Variants in PRDM5 observed in about 807,000 individuals in gnomAD.
PRDM5 encodes the protein PR/SET domain 5.
In PRDM5, 56 loss-of-function variants were observed where a neutral mutation model predicts 81.2. The observed-to-expected ratio is 0.69, with a 90% CI of 0.56 to 0.86. The LOEUF (loss-of-function observed/expected upper bound fraction) is 0.86. Among genes scored for constraint, PRDM5 ranks in the 40% least tolerant of loss-of-function variants. The probability of loss-of-function intolerance (pLI) is 0.00; values close to 1 mark genes in which losing one functional copy is unlikely to be tolerated. For missense variants in PRDM5, 697 were observed against 770.1 expected (o/e 0.91, Z 1.12); for synonymous variants, 267 against 256.4 (o/e 1.04, Z -0.39).
At chr4:120,890,178 G>C (rs913082314) in intron 2 of PRDM5, among the ~76,000 whole-genome samples, 4 of 152,124 alleles carry the variant, frequency 2.6e-5, no homozygotes, top group African/African-American at 9.7e-5. Context: ...CTTAGCTTCT[G>C]GGGAGGCCTC....
chr4:120,917,987 C>T (rs17051280), intron 1 of PRDM5, among the ~76,000 whole-genome samples: 10,289 of 152,192 alleles, frequency 0.068, 391 homozygotes, highest in East Asian at 0.15. Context: ...TAACAGCCCC[C>T]TTGCAGGTTT....
At chr4:120,866,108 T>C (rs1761176016) in intron 2 of PRDM5, among the ~76,000 whole-genome samples, 3 of 152,244 alleles carry the variant, frequency 2.0e-5, no homozygotes, top group African/African-American at 7.2e-5. Flanking sequence ...CCAATGCTGT[T>C]TGCCAGAATT....
intron 15 of PRDM5, among the ~76,000 whole-genome samples, chr4:120,704,831 T>C (rs1385400358): frequency 6.6e-6 from 1 of 151,928 alleles, no homozygotes; most frequent in Non-Finnish European, 1.5e-5. Flanking sequence ...GGGAATGATA[T>C]GACAGGGAGG....
chr4:120,743,837 T>A (rs1341358006), intron 14 of PRDM5, among the ~76,000 whole-genome samples: 1 of 146,622 alleles, frequency 6.8e-6, no homozygotes, highest in African/African-American at 2.5e-5. Context: ...AATGGGAGAC[T>A]TTAACACCCC....
chr4:120,890,917 C>T (rs974104125), intron 2 of PRDM5, among the ~76,000 whole-genome samples: 4 of 152,136 alleles, frequency 2.6e-5, no homozygotes, highest in African/African-American at 9.7e-5. Flanking sequence ...TCCCCTTCTG[C>T]AGGCTGTCTG....
chr4:120,900,869 A>G (rs1765154401), intron 2 of PRDM5, among the ~76,000 whole-genome samples: 1 of 152,176 alleles, frequency 6.6e-6, no homozygotes, highest in African/African-American at 2.4e-5. Flanking sequence ...CCCATACACA[A>G]TAAAAATTTA....
intron 3 of PRDM5, among the ~76,000 whole-genome samples, chr4:120,845,738 T>G (rs1758579478): frequency 6.6e-6 from 1 of 152,176 alleles, no homozygotes; most frequent in Non-Finnish European, 1.5e-5. Context: ...TGAAACACAC[T>G]TCATAAGGCT....
intron 1 of PRDM5, among the ~76,000 whole-genome samples, chr4:120,908,111 A>G (rs1029259532): frequency 2.0e-5 from 3 of 152,240 alleles, no homozygotes; most frequent in African/African-American, 2.4e-5. Context: ...TGAAGCCCAC[A>G]TGCATGAGAA....
intron 2 of PRDM5, among the ~76,000 whole-genome samples, chr4:120,864,019 A>G (rs1367076592): frequency 6.6e-6 from 1 of 152,222 alleles, no homozygotes; most frequent in Non-Finnish European, 1.5e-5. Flanking sequence ...AGAAATTTCA[A>G]TGGCTAAGAC....
chr4:120,710,083 GAATTT>G (rs1736736263), intron 15 of PRDM5, among the ~76,000 whole-genome samples: 1 of 152,040 alleles, frequency 6.6e-6, no homozygotes, highest in Admixed American at 6.6e-5. Flanking sequence ...AAGAAAATCA[GAATTT>G]ATTTGCTGCC....
At chr4:120,826,518 A>G (rs1202759096) in intron 3 of PRDM5, among the ~76,000 whole-genome samples, 3 of 152,158 alleles carry the variant, frequency 2.0e-5, no homozygotes, top group Non-Finnish European at 4.4e-5. Context: ...CCTCCCCAAA[A>G]GATGATTTTC....
At chr4:120,780,410 C>T (rs1748871083) in intron 12 of PRDM5, among the ~76,000 whole-genome samples, 1 of 151,650 alleles carries the variant, frequency 6.6e-6, no homozygotes, top group East Asian at 1.9e-4. Context: ...CACCACTGCA[C>T]TACAGCCTGG....
At chr4:120,777,879 G>A (rs1748417234) in intron 12 of PRDM5, among the ~76,000 whole-genome samples, 1 of 152,086 alleles carries the variant, frequency 6.6e-6, no homozygotes, top group Admixed American at 6.6e-5. Flanking sequence ...CATGAGGAAA[G>A]GTGAATAAGT....
At chr4:120,853,155 G>A (rs1759479893) in intron 3 of PRDM5, among the ~76,000 whole-genome samples, 1 of 152,102 alleles carries the variant, frequency 6.6e-6, no homozygotes, top group Admixed American at 6.5e-5. Flanking sequence ...AAAAGTACCT[G>A]AAAGCGAGAT....
At chr4:120,756,534 A>T (rs1744771266) in intron 13 of PRDM5, among the ~76,000 whole-genome samples, 1 of 152,196 alleles carries the variant, frequency 6.6e-6, no homozygotes, top group Non-Finnish European at 1.5e-5. Flanking sequence ...TTATAGTAAT[A>T]GCAGTAACAG....
At chr4:120,716,405 T>A (rs1404581177) in intron 14 of PRDM5, among the ~76,000 whole-genome samples, 2 of 152,170 alleles carry the variant, frequency 1.3e-5, no homozygotes, top group African/African-American at 2.4e-5. Context: ...CTGCCTGGAC[T>A]CCCTCTTCTC....
chr4:120,692,935 T>C lies in PRDM5; in HGVS notation c.*2176A>G, dbSNP rs1029287154. On this transcript the variant is annotated 3_prime_UTR_variant, in exon 16 of 16. Coordinates refer to ENST00000264808, the MANE Select transcript of PRDM5 (RefSeq NM_018699.4). ...TAATATATCTGAAACTACCCATGAA[T>C]ACTTGTCTTTTGGATAAAAATTTAC... 6.6e-6 allele frequency: 1 copy of C among 152,134 alleles called. No individual in the cohort carries two copies. The highest frequency in any genetic ancestry group is 2.4e-5 in the African/African-American group (1 of 41,438). The allele number at this position is 152,134 out of a possible 1,614,324, so 9.4% of individuals were successfully genotyped here.
intron 13 of PRDM5, among the ~76,000 whole-genome samples, chr4:120,767,378 G>C (rs1746533300): frequency 6.6e-6 from 1 of 152,154 alleles, no homozygotes; most frequent in Admixed American, 6.5e-5. Context: ...TGGCAAATTG[G>C]AAGGAAAAAC....
At chr4:120,750,459 C>T (rs980306040) in intron 14 of PRDM5, among the ~76,000 whole-genome samples, 3 of 152,098 alleles carry the variant, frequency 2.0e-5, no homozygotes, top group East Asian at 1.9e-4. Flanking sequence ...AGGAAGGATC[C>T]TTAAGAAAAG....
Sources: gnomAD v4.1 joint callset for allele counts (sites outside exome capture counted in the v4.1 genomes callset) on GRCh38, gnomAD v4.1.1 for gene constraint, MANE v1.5 for transcripts, NCBI Gene and HGNC (gene_info 2026-07-23, HGNC 2026-07-21) for gene names.